Variants in DCAF8L2 observed in about 807,000 individuals in gnomAD.
DCAF8L2 encodes the protein DDB1- and CUL4-associated factor 8-like protein 2.
For synonymous variants in DCAF8L2, 200 were observed against 190.9 expected (o/e 1.05, Z -0.39); for missense variants, 430 against 490.7 (o/e 0.88, Z 1.17).
chrX:27,511,973 A>G, the DCAF8L2 span, among the ~76,000 whole-genome samples: 1 of 112,207 alleles, frequency 8.9e-6, no homozygotes, highest in South Asian at 3.7e-4. Flanking sequence ...AAAGATATTT[A>G]CAATGAAATC....
chrX:27,625,337 C>A (rs1393521069), intron 1 of DCAF8L2, among the ~76,000 whole-genome samples: 1 of 111,480 alleles, frequency 9.0e-6, no homozygotes, highest in Non-Finnish European at 1.9e-5. Context: ...ACTAAAAAGT[C>A]AAAAAATAAC....
chrX:27,575,605 G>A, the DCAF8L2 span, among the ~76,000 whole-genome samples: 2 of 111,926 alleles, frequency 1.8e-5, no homozygotes, highest in Non-Finnish European at 1.9e-5. Context: ...GTGGATATGG[G>A]AAGAGAAGCA....
At chrX:27,632,458 C>T (rs938528096) in intron 2 of DCAF8L2, 1 of 111,280 alleles carries the variant, frequency 9.0e-6, no homozygotes, top group Non-Finnish European at 1.9e-5. Flanking sequence ...ACATGGTTTT[C>T]ATCCCCTAAT....
the DCAF8L2 span, among the ~76,000 whole-genome samples, chrX:27,547,838 TCTCTCTTTC>T: frequency 2.1e-4 from 19 of 89,493 alleles, no homozygotes; most frequent in African/African-American, 7.2e-4. Flanking sequence ...TCTCTCTCTC[TCTCTCTTTC>T]TCTCTCTCTC....
At chrX:27,610,585 A>G (rs757379216) in intron 1 of DCAF8L2, among the ~76,000 whole-genome samples, 2 of 111,866 alleles carry the variant, frequency 1.8e-5, no homozygotes, top group East Asian at 5.6e-4. Flanking sequence ...TTGAATTTAG[A>G]ACATTTTTGA....
chrX:27,613,693 C>G (rs1216169832), intron 1 of DCAF8L2, among the ~76,000 whole-genome samples: 14 of 111,269 alleles, frequency 1.3e-4, no homozygotes, highest in Non-Finnish European at 2.5e-4. Context: ...GGCCTTTTCT[C>G]CATCTATTGA....
intron 4 of DCAF8L2, among the ~76,000 whole-genome samples, chrX:27,726,391 CATTT>C (rs1384995286): frequency 9.0e-6 from 1 of 111,369 alleles, no homozygotes; most frequent in Non-Finnish European, 1.9e-5. Context: ...TGTATTGTCT[CATTT>C]ATTTTTAGGA....
At chrX:27,469,778 CTTTT>C in the DCAF8L2 span, among the ~76,000 whole-genome samples, 1 of 100,975 alleles carries the variant, frequency 9.9e-6, no homozygotes. Flanking sequence ...ATCATTTTCT[CTTTT>C]TTTTTTTTTT....
upstream of DCAF8L2, among the ~76,000 whole-genome samples, chrX:27,585,450 T>C (rs1387921424): frequency 8.9e-6 from 1 of 111,901 alleles, no homozygotes; most frequent in Non-Finnish European, 1.9e-5. Flanking sequence ...CAGATTGTCC[T>C]AGATTCCCTT....
intron 1 of DCAF8L2, among the ~76,000 whole-genome samples, chrX:27,621,310 T>C (rs6630525): frequency 0.08 from 8,991 of 111,740 alleles, 700 homozygotes; most frequent in African/African-American, 0.24. Flanking sequence ...CTTAGCTCTG[T>C]GCTTAAAATG....
the DCAF8L2 span, among the ~76,000 whole-genome samples, chrX:27,571,981 T>C: frequency 2.4e-4 from 27 of 111,637 alleles, no homozygotes; most frequent in African/African-American, 8.1e-4. Context: ...AGGAGAAAAA[T>C]TGTCTCACCA....
At chrX:27,638,466 G>A (rs190460261) in intron 2 of DCAF8L2, among the ~76,000 whole-genome samples, 1 of 111,729 alleles carries the variant, frequency 9.0e-6, no homozygotes, top group East Asian at 2.8e-4. Flanking sequence ...TAACCTTCAT[G>A]GCCAGCTGGA....
the DCAF8L2 span, among the ~76,000 whole-genome samples, chrX:27,473,493 A>G: frequency 1.8e-5 from 2 of 109,980 alleles, no homozygotes; most frequent in East Asian, 2.8e-4. Flanking sequence ...TCTCTTTTCA[A>G]TGGCAGGGTC....
chrX:27,741,435 T>C (rs1216030778), intron 4 of DCAF8L2, among the ~76,000 whole-genome samples: 1 of 79,879 alleles, frequency 1.3e-5, no homozygotes, highest in African/African-American at 5.1e-5. Context: ...CCCAGCACCA[T>C]GGCTTAGGAG....
chrX:27,720,220 T>C (rs890999051), intron 4 of DCAF8L2, among the ~76,000 whole-genome samples: 16 of 111,761 alleles, frequency 1.4e-4, no homozygotes, highest in Non-Finnish European at 2.8e-4. Flanking sequence ...TTCTGGAATC[T>C]TGACTTTGTT....
At chrX:27,511,424 A>G in the DCAF8L2 span, among the ~76,000 whole-genome samples, 1 of 111,845 alleles carries the variant, frequency 8.9e-6, no homozygotes, top group East Asian at 2.8e-4. Flanking sequence ...AGAGGAACAG[A>G]ACAGTTTGGC....
At chrX:27,717,698 T>C (rs762727412) in intron 4 of DCAF8L2, among the ~76,000 whole-genome samples, 13 of 112,582 alleles carry the variant, frequency 1.2e-4, no homozygotes, top group South Asian at 3.6e-4. Context: ...ATTCTGATGA[T>C]AGTTTCTTTT....
intron 3 of DCAF8L2, among the ~76,000 whole-genome samples, chrX:27,680,248 T>C (rs1473553255): frequency 9.0e-6 from 1 of 111,283 alleles, no homozygotes; most frequent in Non-Finnish European, 1.9e-5. Flanking sequence ...CATATCTCTA[T>C]GGCAGGATTG....
intron 4 of DCAF8L2, among the ~76,000 whole-genome samples, chrX:27,725,090 T>G (rs748231488): frequency 4.4e-5 from 4 of 90,225 alleles, no homozygotes; most frequent in Non-Finnish European, 6.6e-5. Context: ...TTATAAATTC[T>G]TTTTTTAAAA....
Sources: gnomAD v4.1 joint callset for allele counts (sites outside exome capture counted in the v4.1 genomes callset) on GRCh38, gnomAD v4.1.1 for gene constraint, MANE v1.5 for transcripts, NCBI Gene and HGNC (gene_info 2026-07-23, HGNC 2026-07-21) for gene names.